LEMD3: variants seen among roughly 807,000 people sequenced by gnomAD.
LEMD3 encodes LEM domain containing 3.
Under a neutral mutation model 95.2 loss-of-function variants are expected in LEMD3, and 33 were observed. The observed-to-expected ratio is 0.35, with a 90% CI of 0.26 to 0.46. LEMD3 has a LOEUF of 0.46. Ranked by LOEUF, LEMD3 falls within the 20% of genes least tolerant of loss-of-function variation. The pLI, the probability that LEMD3 is intolerant of heterozygous loss-of-function variation, is 1.00. For synonymous variants in LEMD3, 525 were observed against 474.6 expected, an observed-to-expected ratio of 1.11 and a Z score of -1.38; for missense variants, 1,210 against 1,192.8, an observed-to-expected ratio of 1.01 and a Z score of -0.21.
intron 2 of LEMD3, among the ~76,000 whole-genome samples, chr12:65,214,463 A>C (rs1870040596): frequency 6.6e-6 from 1 of 152,210 alleles, no homozygotes; most frequent in African/African-American, 2.4e-5. Flanking sequence ...TATCTCAGTC[A>C]ACCGTCTGAC....
Position 65,246,412 on chromosome 12 carries a change from T to C in LEMD3, c.*87T>C. The C allele has an allele frequency of 9.4e-7, 1 of 1,058,854 alleles. No homozygotes were observed. Among genetic ancestry groups the C allele is most frequent in the Non-Finnish European group, 1.5e-6 (1 of 686,150 alleles). 65.6% of individuals were successfully genotyped at this position (1,058,854 alleles called of 1,614,324 possible). On this transcript the variant is annotated 3_prime_UTR_variant, in exon 13 of 13. Transcript: ENST00000308330. ...TGTCTTCCTTTTTAAATGCTTTTTG[T>C]ATGTAATATTTTTATTGATGAATAC...
intron 4 of LEMD3, among the ~76,000 whole-genome samples, chr12:65,236,400 T>G (rs968176157): frequency 6.6e-6 from 1 of 152,026 alleles, no homozygotes; most frequent in African/African-American, 2.4e-5. Flanking sequence ...ATACAGTGAT[T>G]AGCTGGGTGT....
At chr12:65,187,687 G>A (rs553073057) in intron 1 of LEMD3, among the ~76,000 whole-genome samples, 50 of 152,144 alleles carry the variant, frequency 3.3e-4, no homozygotes, top group African/African-American at 1.2e-3. Flanking sequence ...ATGGACTCCA[G>A]GTAAGCAGTA....
At chr12:65,232,001 A>G (rs1592458857) in intron 4 of LEMD3, among the ~76,000 whole-genome samples, 1 of 152,180 alleles carries the variant, frequency 6.6e-6, no homozygotes, top group African/African-American at 2.4e-5. Flanking sequence ...TTATGAAATC[A>G]CTCTAATCTT....
intron 4 of LEMD3, 55 bp downstream of exon 4, chr12:65,218,674 A>G (rs1013226160): frequency 4.1e-6 from 4 of 977,322 alleles, no homozygotes; most frequent in South Asian, 1.4e-5. Context: ...TATATAAATC[A>G]TTGCTACTTG....
Position 65,170,993 on chromosome 12 carries a change from G to A in LEMD3, c.1397G>A (p.Gly466Glu), listed in dbSNP as rs764079361. The change falls in exon 1 of 13, where the codon GGG becomes GAG. Residue 466 changes from glycine (G) to glutamate (E), a missense_variant. Gly to Glu is a moderately conservative substitution (Grantham distance 98, BLOSUM62 -2). Around this residue, in one of 2 missense-constraint regions of LEMD3, gnomAD observed 461 missense variants for 569.8 expected, o/e 0.81. Coordinates refer to ENST00000308330, the MANE Select transcript of LEMD3 (RefSeq NM_014319.5). ...QFKREEVSPT[G>E]SFSAHYLSMF... The stretch of plus-strand genomic sequence containing the variant: ...AAACGGGAGGAGGTGTCCCCAACAG[G>A]GAGTTTCAGTGCCCACTACTTGTCG... 2 of 1,614,220 alleles carry A rather than the reference G, an allele frequency of 1.2e-6. No individual in the cohort carries two copies. The highest frequency in any genetic ancestry group is 1.7e-6 in the Non-Finnish European group (2 of 1,180,036).
In LEMD3 at chr12:65,204,889, C is replaced by T. The variant is rs143570574; in HGVS notation, c.1523-6037C>T. ...GTACAATTATAATGTGGAATTAGTG[C>T]TTGAGTAAATATAAGTAATTTCAGT... On this transcript the variant is annotated intron_variant, in intron 1 of 12. Coordinates refer to ENST00000308330, the MANE Select transcript of LEMD3 (RefSeq NM_014319.5). 9.9e-5 allele frequency among the ~76,000 whole-genome samples: 15 copies of T among 152,224 alleles called. No individual in the cohort carries two copies. The East Asian group carries it at 2.7e-3, about 27-fold the overall frequency.
intron 4 of LEMD3, among the ~76,000 whole-genome samples, chr12:65,223,177 C>T (rs1870343875): frequency 6.6e-6 from 1 of 152,034 alleles, no homozygotes; most frequent in South Asian, 2.1e-4. Flanking sequence ...TGTTCAAGTC[C>T]TCTGCTCCCT....
intron 1 of LEMD3, among the ~76,000 whole-genome samples, chr12:65,176,853 C>T (rs991499618): frequency 6.6e-6 from 1 of 152,180 alleles, no homozygotes; most frequent in East Asian, 1.9e-4. Flanking sequence ...ATTCATTATT[C>T]AGCAAATATC....
chr12:65,191,215 C>T (rs773093414), intron 1 of LEMD3, among the ~76,000 whole-genome samples: 3 of 151,968 alleles, frequency 2.0e-5, no homozygotes, highest in Non-Finnish European at 4.4e-5. Flanking sequence ...GAAGACGAAA[C>T]ACTTTAGGAT....
At chr12:65,244,776 C>T (rs1871046605) in intron 10 of LEMD3, among the ~76,000 whole-genome samples, 1 of 151,852 alleles carries the variant, frequency 6.6e-6, no homozygotes, top group Admixed American at 6.6e-5. Flanking sequence ...GGCAAAACCC[C>T]GTCTCTACAA....
At chr12:65,174,409 C>G (rs1868648961) in intron 1 of LEMD3, among the ~76,000 whole-genome samples, 1 of 152,044 alleles carries the variant, frequency 6.6e-6, no homozygotes, top group Non-Finnish European at 1.5e-5. Flanking sequence ...TATAGCCCAC[C>G]AAACGAAAAT....
At position 65,246,232 on chromosome 12, in the gene LEMD3, C is replaced by G; in HGVS notation, c.2643C>G (p.Ser881=). 6.2e-7 allele frequency: 1 copy of G among 1,612,864 alleles called. No individual in the cohort carries two copies. Among genetic ancestry groups the G allele is most frequent in the Non-Finnish European group, 8.5e-7 (1 of 1,179,012 alleles). ...ATCGCTTTCCCCAGGCTCTCACTTC[C>G]AACACTCCATTGAAGCCATCAAATA... ...YHHRFPQALT[S]NTPLKPSNKH... The change falls in exon 13 of 13, where the codon TCC becomes TCG. Residue 881 remains serine (S), a synonymous_variant. Transcript: ENST00000308330.
intron 1 of LEMD3, among the ~76,000 whole-genome samples, chr12:65,193,775 T>TGTGTGTGTGTGTGTGTGTGTGTGTGTG (rs61507306): frequency 2.1e-5 from 3 of 145,044 alleles, no homozygotes; most frequent in African/African-American, 7.6e-5. Context: ...TGTGTGTGTG[T>TGTGTGTGTGTGTGTGTGTGTGTGTGTG]TGGGGGAGGG....
chr12:65,200,041 C>CGGGGTTG, intron 1 of LEMD3, among the ~76,000 whole-genome samples: 1 of 151,334 alleles, frequency 6.6e-6, no homozygotes, highest in South Asian at 2.1e-4. Flanking sequence ...GGGGTGCAAC[C>CGGGGTTG]CCTGCACCCC....
chr12:65,220,671 A>C (rs56331430), intron 4 of LEMD3, among the ~76,000 whole-genome samples: 4,624 of 152,200 alleles, frequency 0.03, 235 homozygotes, highest in African/African-American at 0.11. Context: ...CTTTTCTTCT[A>C]TGTTTTCTTC....
intron 4 of LEMD3, among the ~76,000 whole-genome samples, chr12:65,226,583 AAG>A (rs1207564733): frequency 6.6e-6 from 1 of 152,204 alleles, no homozygotes; most frequent in Non-Finnish European, 1.5e-5. Flanking sequence ...CTTGTCAACA[AAG>A]AGAAATATTG....
At chr12:65,214,938 T>A in intron 2 of LEMD3, among the ~76,000 whole-genome samples, 1 of 152,204 alleles carries the variant, frequency 6.6e-6, no homozygotes, top group Non-Finnish European at 1.5e-5. Flanking sequence ...TTGCAATAAT[T>A]CTCTATCTGG....
intron 9 of LEMD3, among the ~76,000 whole-genome samples, chr12:65,241,862 C>G (rs1376329120): frequency 1.3e-5 from 2 of 152,086 alleles, no homozygotes; most frequent in African/African-American, 4.8e-5. Flanking sequence ...GAATAAGAGG[C>G]TTCTTTAAAC....
Sources: gnomAD v4.1 joint callset for allele counts (sites outside exome capture counted in the v4.1 genomes callset) on GRCh38, gnomAD v4.1.1 for gene constraint, gnomAD v4.1.1 regional missense constraint, MANE v1.5 for transcripts, NCBI Gene and HGNC (gene_info 2026-07-23, HGNC 2026-07-21) for gene names.